Variants in TFEC observed in about 807,000 individuals in gnomAD.
TFEC encodes transcription factor EC.
TFEC carries 31 observed loss-of-function variants against 41.6 expected under a neutral mutation model. The observed-to-expected ratio is 0.74, with a 90% CI of 0.56 to 1.01. The LOEUF (loss-of-function observed/expected upper bound fraction) is 1.01, where lower values mean the gene tolerates loss of function less well. Ranked by LOEUF, TFEC falls within the 50% of genes least tolerant of loss-of-function variation. TFEC has a pLI of 0.00. For missense variants in TFEC, 402 were observed against 404.1 expected (o/e 0.99, Z 0.04); for synonymous variants, 143 against 140.6 (o/e 1.02, Z -0.12).
rs574385908 is a variant in TFEC, at chr7:116,065,989, G to GA, written c.198+44718dup. 6.9e-3 allele frequency among the ~76,000 whole-genome samples: 1,042 copies of GA among 151,968 alleles called. 8 individuals are homozygous for GA. The highest frequency in any genetic ancestry group is 0.01 in the Non-Finnish European group (695 of 67,936). On this transcript the variant is annotated intron_variant, in intron 3 of 8. Transcript: ENST00000484212. ...GATTGAGGTTATTGGATTGCCTGAAGAAAAAAATACATCAAACAGAAATAG... is the reference window on the plus strand; with the variant it reads ...GATTGAGGTTATTGGATTGCCTGAAGAAAAAAAATACATCAAACAGAAATAG...
chr7:116,000,078 C>T (rs747782463), intron 1 of TFEC, among the ~76,000 whole-genome samples: 4 of 152,024 alleles, frequency 2.6e-5, no homozygotes, highest in Non-Finnish European at 5.9e-5. Context: ...CAACAAAATA[C>T]TATCAAACTA....
chr7:116,103,698 AAAT>A (rs1198592948), intron 3 of TFEC, among the ~76,000 whole-genome samples: 1 of 152,194 alleles, frequency 6.6e-6, no homozygotes, highest in African/African-American at 2.4e-5. Context: ...CAGCTACTAG[AAAT>A]AATTAGTATC....
chr7:116,089,358 T>C (rs1797272100), intron 3 of TFEC, among the ~76,000 whole-genome samples: 1 of 152,036 alleles, frequency 6.6e-6, no homozygotes, highest in Admixed American at 6.6e-5. Context: ...AGTGGAAGAA[T>C]GACAAAATTG....
At chr7:115,995,897 C>A (rs760283142) in intron 1 of TFEC, among the ~76,000 whole-genome samples, 4 of 152,204 alleles carry the variant, frequency 2.6e-5, no homozygotes, top group Non-Finnish European at 5.9e-5. Flanking sequence ...ACCAGCCCTA[C>A]CCGGAGGGGA....
Position 116,082,353 on chromosome 7 carries a change from A to C in TFEC, c.198+28355T>G, listed in dbSNP as rs79645727. 8.5e-3 allele frequency among the ~76,000 whole-genome samples: 1,290 copies of C among 152,044 alleles called. 20 individuals are homozygous for C. Among genetic ancestry groups the C allele is most frequent in the African/African-American group, 0.029 (1,209 of 41,510 alleles). ...GATAGGAGGACCTTTTCCTAGATTA[A>C]CTTGATAAACTACACTGAAACGATG... On this transcript the variant is annotated intron_variant, in intron 3 of 8. Coordinates refer to the TFEC transcript ENST00000484212.
At chr7:116,051,442 C>T (rs76453218) in intron 3 of TFEC, among the ~76,000 whole-genome samples, 4,206 of 152,160 alleles carry the variant, frequency 0.028, 196 homozygotes, top group African/African-American at 0.095. Context: ...TGGCTGAAGT[C>T]GAACTCTTAG....
upstream of TFEC, among the ~76,000 whole-genome samples, chr7:116,034,753 T>C (rs1021698407): frequency 6.6e-6 from 1 of 151,932 alleles, no homozygotes; most frequent in African/African-American, 2.4e-5. Context: ...AAGCTGATCA[T>C]GTAGCTTTTC....
intron 3 of TFEC, among the ~76,000 whole-genome samples, chr7:116,042,234 G>A (rs965198422): frequency 6.6e-6 from 1 of 152,106 alleles, no homozygotes; most frequent in Non-Finnish European, 1.5e-5. Flanking sequence ...TTCTAGAATA[G>A]AGCCATGGAA....
intron 1 of TFEC, among the ~76,000 whole-genome samples, chr7:116,153,909 T>C (rs929702794): frequency 6.6e-6 from 1 of 152,088 alleles, no homozygotes; most frequent in South Asian, 2.1e-4. Flanking sequence ...TGATAACACA[T>C]GTAACTGGAA....
At chr7:116,074,824 T>TATAGC (rs984865882) in intron 3 of TFEC, among the ~76,000 whole-genome samples, 1 of 152,178 alleles carries the variant, frequency 6.6e-6, no homozygotes, top group African/African-American at 2.4e-5. Context: ...ACACATATAT[T>TATAGC]ATAGCAGCGT....
At chr7:115,989,295 A>G (rs1266160280) in intron 1 of TFEC, among the ~76,000 whole-genome samples, 2 of 152,228 alleles carry the variant, frequency 1.3e-5, no homozygotes, top group African/African-American at 2.4e-5. Flanking sequence ...AAGATGGCCA[A>G]ATAGGAGCAG....
At chr7:116,040,047 A>G (rs976679102) in intron 3 of TFEC, among the ~76,000 whole-genome samples, 3 of 152,136 alleles carry the variant, frequency 2.0e-5, no homozygotes, top group African/African-American at 7.2e-5. Context: ...AGAGAGACAA[A>G]GTATAAAATG....
chr7:116,089,900 C>T (rs1336972284), intron 3 of TFEC, among the ~76,000 whole-genome samples: 1 of 152,094 alleles, frequency 6.6e-6, no homozygotes, highest in Non-Finnish European at 1.5e-5. Flanking sequence ...ATCCCTGGAA[C>T]TTCCCTTCTG....
intron 3 of TFEC, among the ~76,000 whole-genome samples, chr7:116,106,539 C>A (rs150434482): frequency 1.3e-5 from 2 of 152,212 alleles, no homozygotes; most frequent in Admixed American, 6.5e-5. Context: ...CATGCCACTA[C>A]GCCCAGCTAA....
chr7:115,983,257 C>T (rs1793707675), intron 2 of TFEC, among the ~76,000 whole-genome samples: 1 of 151,876 alleles, frequency 6.6e-6, no homozygotes, highest in African/African-American at 2.4e-5. Flanking sequence ...TCAAAAAGTC[C>T]CTTTTTTTAT....
intron 3 of TFEC, among the ~76,000 whole-genome samples, chr7:116,095,728 AG>A (rs1442784753): frequency 6.6e-6 from 1 of 152,200 alleles, no homozygotes; most frequent in Non-Finnish European, 1.5e-5. Flanking sequence ...AATGACCTTT[AG>A]GGATTCTACG....
intron 3 of TFEC, among the ~76,000 whole-genome samples, chr7:116,088,179 C>G (rs191086583): frequency 6.6e-6 from 1 of 152,168 alleles, no homozygotes; most frequent in African/African-American, 2.4e-5. Context: ...GGATAACTTG[C>G]TTGGGGAAGC....
intron 1 of TFEC, among the ~76,000 whole-genome samples, chr7:116,003,523 G>A (rs908295181): frequency 6.6e-6 from 1 of 152,106 alleles, no homozygotes; most frequent in Non-Finnish European, 1.5e-5. Flanking sequence ...AGATAGAAAT[G>A]AGTCCACTAT....
intron 3 of TFEC, chr7:115,968,241 C>A (rs1274036627): frequency 6.5e-7 from 1 of 1,530,220 alleles, no homozygotes; most frequent in African/African-American, 1.4e-5. Context: ...TTCTCTTTCT[C>A]CTTCATCATT....
Sources: gnomAD v4.1 joint callset for allele counts (sites outside exome capture counted in the v4.1 genomes callset) on GRCh38, gnomAD v4.1.1 for gene constraint, MANE v1.5 for transcripts, NCBI Gene and HGNC (gene_info 2026-07-23, HGNC 2026-07-21) for gene names.